The following SGCZ variants were observed in gnomAD, a reference collection of about 807,000 sequenced individuals.
SGCZ encodes the protein sarcoglycan zeta.
A neutral mutation model predicts 41.3 loss-of-function variants in SGCZ; 40 were observed. The observed-to-expected ratio is 0.97, with a 90% CI of 0.75 to 1.26. The LOEUF is 1.26. Among genes scored for constraint, SGCZ ranks in the 50% most tolerant of loss-of-function variants. The probability of loss-of-function intolerance (pLI) is 0.00; values close to 1 mark genes in which losing one functional copy is unlikely to be tolerated. For missense variants in SGCZ, 552 were observed against 369.8 expected (o/e 1.49, Z -4.04); for synonymous variants, 206 against 137.5 (o/e 1.50, Z -3.49).
intron 4 of SGCZ, among the ~76,000 whole-genome samples, chr8:14,191,038 C>A (rs1294007202): frequency 6.6e-6 from 1 of 152,124 alleles, no homozygotes; most frequent in East Asian, 1.9e-4. Context: ...TATTAGCCAT[C>A]CTGACAGGTA....
intron 1 of SGCZ, among the ~76,000 whole-genome samples, chr8:15,028,298 G>A (rs1051886031): frequency 6.6e-6 from 1 of 152,032 alleles, no homozygotes; most frequent in Non-Finnish European, 1.5e-5. Context: ...GGCTTTCCTT[G>A]TTTTCTTCTG....
chr8:14,470,739 G>C (rs993179507), intron 2 of SGCZ, among the ~76,000 whole-genome samples: 5 of 152,156 alleles, frequency 3.3e-5, no homozygotes, highest in Admixed American at 1.3e-4. Context: ...TGTATAAAAA[G>C]TGCCAAATGT....
At chr8:14,242,687 G>A (rs1164802228) in intron 3 of SGCZ, among the ~76,000 whole-genome samples, 3 of 151,996 alleles carry the variant, frequency 2.0e-5, no homozygotes, top group African/African-American at 7.3e-5. Flanking sequence ...CATCACTCTT[G>A]TTTCACAAAT....
intron 3 of SGCZ, among the ~76,000 whole-genome samples, chr8:14,318,805 CTAAG>C (rs1181170439): frequency 6.6e-6 from 1 of 151,848 alleles, no homozygotes; most frequent in Non-Finnish European, 1.5e-5. Flanking sequence ...AATAATCAAA[CTAAG>C]TAAGTGCTTC....
At chr8:14,229,685 A>C (rs981070488) in intron 4 of SGCZ, among the ~76,000 whole-genome samples, 1 of 151,914 alleles carries the variant, frequency 6.6e-6, no homozygotes, top group Non-Finnish European at 1.5e-5. Context: ...AAAAAACATA[A>C]ATTTGGAACC....
At chr8:14,217,974 T>C (rs912652581) in intron 4 of SGCZ, among the ~76,000 whole-genome samples, 1 of 152,004 alleles carries the variant, frequency 6.6e-6, no homozygotes, top group African/African-American at 2.4e-5. Context: ...AAGAAGGAAG[T>C]GTTCTCAATC....
Position 14,102,495 on chromosome 8 carries a change from C to G in SGCZ, c.625G>C (p.Glu209Gln). The change falls in exon 7 of 8, where the codon GAA (glutamate) becomes CAA (glutamine). Residue 209 changes from glutamate (E) to glutamine (Q), a missense_variant. Coordinates refer to ENST00000382080, the MANE Select transcript of SGCZ (RefSeq NM_139167.4). ...RAEPSQDLRL[E>Q]SPTRSLIMEA... Reference sequence around the variant, plus strand: ...ATGATCAAGGATCTGGTGGGTGATTCAAGCCTAAGGGAAAAACAAAAAATC... The same window carrying G: ...ATGATCAAGGATCTGGTGGGTGATTGAAGCCTAAGGGAAAAACAAAAAATC... 1 of 1,410,532 alleles carries G rather than the reference C, an allele frequency of 7.1e-7. No individual in the cohort carries two copies. The highest frequency in any genetic ancestry group is 2.2e-4 in the Middle Eastern group (1 of 4,632). The allele number at this position is 1,410,532 out of a possible 1,614,324, so 87.4% of individuals were successfully genotyped here. A position where few individuals can be genotyped will look rare whatever the true frequency, so the allele number is the denominator to read the frequency against.
chr8:15,149,880 C>G (rs890348033), intron 1 of SGCZ, among the ~76,000 whole-genome samples: 1 of 152,062 alleles, frequency 6.6e-6, no homozygotes, highest in African/African-American at 2.4e-5. Flanking sequence ...TAGAGAATAA[C>G]TAGAAAACAA....
intron 1 of SGCZ, among the ~76,000 whole-genome samples, chr8:14,727,734 G>A (rs965452577): frequency 1.3e-5 from 2 of 152,036 alleles, no homozygotes; most frequent in South Asian, 4.2e-4. Context: ...GGATGGTCTC[G>A]ATCTCCTGAC....
chr8:15,041,354 T>C (rs534442984), intron 1 of SGCZ, among the ~76,000 whole-genome samples: 9 of 152,002 alleles, frequency 5.9e-5, no homozygotes, highest in Non-Finnish European at 1.2e-4. Flanking sequence ...ATTATTAAAA[T>C]TGTCATAATA....
chr8:15,041,725 T>A (rs1015256385), intron 1 of SGCZ, among the ~76,000 whole-genome samples: 1 of 152,136 alleles, frequency 6.6e-6, no homozygotes, highest in Admixed American at 6.5e-5. Flanking sequence ...CACAAACACA[T>A]GTATAATTTT....
At position 14,135,064 on chromosome 8, in the gene SGCZ, T is replaced by C. The variant is rs146745108; in HGVS notation, c.548-26829A>G. 6.5e-3 allele frequency among the ~76,000 whole-genome samples: 987 copies of C among 152,230 alleles called. 7 individuals carry two copies. Among genetic ancestry groups the C allele is most frequent in the African/African-American group, 0.023 (941 of 41,530 alleles). ...TGGTCAAAATTGCTTAAAATATTTA[T>C]TGTCTAACCTTTTAAAGAAAAAGCA... On this transcript the variant is annotated intron_variant, in intron 5 of 7. Transcript: ENST00000382080.
intron 1 of SGCZ, among the ~76,000 whole-genome samples, chr8:14,808,638 C>T (rs990580766): frequency 3.9e-5 from 6 of 152,182 alleles, no homozygotes; most frequent in Admixed American, 2.6e-4. Flanking sequence ...GGTGGGACTG[C>T]AAACTAATTC....
Position 14,411,061 on chromosome 8 carries a change from G to C in SGCZ, c.235-86857C>G, listed in dbSNP as rs543567047. Reference sequence around the variant, plus strand: ...GATAGAAATATTTTAAAAAGCTAAAGAACATTTAGATAGTAAACAACTCTA... The same window carrying C: ...GATAGAAATATTTTAAAAAGCTAAACAACATTTAGATAGTAAACAACTCTA... On this transcript the variant is annotated intron_variant, in intron 2 of 7. Transcript: ENST00000382080. Among the ~76,000 whole-genome samples the C allele has an allele frequency of 3.3e-5, 5 of 152,148 alleles. No homozygotes were observed. In the South Asian group the frequency reaches 1.0e-3, roughly 32 times the overall value.
At chr8:15,126,639 G>A (rs1469743092) in intron 1 of SGCZ, among the ~76,000 whole-genome samples, 1 of 152,202 alleles carries the variant, frequency 6.6e-6, no homozygotes, top group African/African-American at 2.4e-5. Context: ...ACCTGGGAAA[G>A]TCGGAGAAAA....
chr8:14,160,543 T>C (rs1804013292), intron 5 of SGCZ, among the ~76,000 whole-genome samples: 1 of 152,210 alleles, frequency 6.6e-6, no homozygotes, highest in East Asian at 1.9e-4. Flanking sequence ...TATTCAGTGA[T>C]ACAGAGAGGA....
intron 2 of SGCZ, among the ~76,000 whole-genome samples, chr8:14,511,199 G>A (rs764286690): frequency 9.6e-6 from 1 of 104,134 alleles, no homozygotes; most frequent in East Asian, 3.0e-4. Flanking sequence ...ATAAAACTAC[G>A]AATTTTCTTT....
chr8:14,361,879 T>A (rs1803527210), intron 2 of SGCZ, among the ~76,000 whole-genome samples: 1 of 152,180 alleles, frequency 6.6e-6, no homozygotes, highest in African/African-American at 2.4e-5. Flanking sequence ...TGGATGTCCT[T>A]TTTGTAGATG....
At chr8:14,239,992 G>A (rs1798813379) in intron 3 of SGCZ, among the ~76,000 whole-genome samples, 1 of 150,568 alleles carries the variant, frequency 6.6e-6, no homozygotes, top group South Asian at 2.1e-4. Flanking sequence ...AGAAGGCAAT[G>A]GATAGTTTAC....
Sources: gnomAD v4.1 joint callset for allele counts (sites outside exome capture counted in the v4.1 genomes callset) on GRCh38, gnomAD v4.1.1 for gene constraint, MANE v1.5 for transcripts, NCBI Gene and HGNC (gene_info 2026-07-23, HGNC 2026-07-21) for gene names.